The following PML variants were observed in gnomAD, a reference collection of about 807,000 sequenced individuals.
The protein encoded by PML is protein PML.
In PML, 28 loss-of-function variants were observed where a neutral mutation model predicts 65.2. The ratio of observed to expected loss-of-function variants is 0.43; its 90% confidence interval spans 0.32 to 0.59. The LOEUF (loss-of-function observed/expected upper bound fraction) is 0.59, where lower values mean the gene tolerates loss of function less well. Ranked by LOEUF, PML falls within the 20% of genes least tolerant of loss-of-function variation. The probability of loss-of-function intolerance (pLI) is 0.08; values close to 1 mark genes in which losing one functional copy is unlikely to be tolerated. For missense variants in PML, 1,021 were observed against 1,203.4 expected (o/e 0.85, Z 2.24); for synonymous variants, 500 against 508.8 (o/e 0.98, Z 0.23).
intron 2 of PML, among the ~76,000 whole-genome samples, chr15:74,019,924 C>A (rs941549086): frequency 6.6e-6 from 1 of 152,150 alleles, no homozygotes; most frequent in African/African-American, 2.4e-5. Flanking sequence ...TAACTAATTG[C>A]CTTGTGAGGG....
intron 7 of PML, among the ~76,000 whole-genome samples, chr15:74,039,407 C>T (rs2071647890): frequency 6.6e-6 from 1 of 152,188 alleles, no homozygotes; most frequent in Non-Finnish European, 1.5e-5. Context: ...TGTGTCTTGC[C>T]AAACTGATCC....
At chr15:74,032,955 C>A (rs1387429386) in intron 5 of PML, among the ~76,000 whole-genome samples, 1 of 152,230 alleles carries the variant, frequency 6.6e-6, no homozygotes, top group African/African-American at 2.4e-5. Context: ...TGTCAGAGGC[C>A]AGCAGAGACT....
rs779853709 is a variant in PML, at chr15:74,035,195, C to T, written c.1710+665C>T. 1.3e-5 allele frequency: 18 copies of T among 1,422,214 alleles called. No individual in the cohort carries two copies. The highest frequency in any genetic ancestry group is 1.7e-5 in the Admixed American group (1 of 59,754). 88.1% of individuals were successfully genotyped at this position (1,422,214 alleles called of 1,614,324 possible). A position where few individuals can be genotyped will look rare whatever the true frequency, so the allele number is the denominator to read the frequency against. ...AGTGCATGGAGCCCATGGAGACCGC[C>T]GAGCCACAGTCCTCGCCAGCCCACT... On this transcript the variant is annotated intron_variant, in intron 7 of 8. Coordinates refer to ENST00000268058, the MANE Select transcript of PML (RefSeq NM_033238.3). The surrounding 1 kb of genome is among the most constrained non-coding windows in gnomAD (Gnocchi z 4.1).
intron 2 of PML, among the ~76,000 whole-genome samples, chr15:74,017,385 G>T (rs571455649): frequency 6.6e-6 from 1 of 152,074 alleles, no homozygotes; most frequent in African/African-American, 2.4e-5. Flanking sequence ...AGTGGCTCAC[G>T]CCTGTGATCC....
intron 2 of PML, among the ~76,000 whole-genome samples, chr15:74,003,883 C>A (rs1359154547): frequency 2.0e-5 from 3 of 152,120 alleles, no homozygotes; most frequent in Admixed American, 2.0e-4. Flanking sequence ...CTTTCTGAGA[C>A]CTTAAGTGTC....
chr15:74,033,629 C>T (rs1170918919), intron 6 of PML: 8 of 701,128 alleles, frequency 1.1e-5, no homozygotes, highest in Non-Finnish European at 1.8e-5. Context: ...GGGAGCCTGA[C>T]AGGCTAAAAT....
chr15:74,028,813 G>A lies in PML; in HGVS notation c.1255-3759G>A, dbSNP rs564014850. Among the ~76,000 whole-genome samples the A allele has an allele frequency of 1.2e-4, 18 of 152,276 alleles. No homozygotes were observed. In the South Asian group the frequency reaches 2.1e-3, roughly 18 times the overall value. On this transcript the variant is annotated intron_variant, in intron 4 of 8. Coordinates refer to ENST00000268058, the MANE Select transcript of PML (RefSeq NM_033238.3). ...TGCAGTGTTCTCAGGGTTCATCCAT[G>A]TAGCATGTGTCAGAATTTCCTTTCT...
rs886586856 is a variant in PML at position 74,021,108 on chromosome 15, T to C, written c.603-1720T>C. 4.6e-5 allele frequency among the ~76,000 whole-genome samples: 7 copies of C among 152,200 alleles called. No homozygotes were observed. In the South Asian group the frequency reaches 1.4e-3, roughly 31 times the overall value. ...CAGTTTGCATCTAGACTCTACCACT[T>C]ACTAATCGTGTGATCTTGAACAAAT... On this transcript the variant is annotated intron_variant, in intron 2 of 8. Transcript: ENST00000268058.
Position 74,043,684 on chromosome 15 carries a change from C to G in PML, c.1862-537C>G, listed in dbSNP as rs2071738189. The stretch of plus-strand genomic sequence containing the variant: ...CCCAGGCCCTACCCTGTGGCATGGA[C>G]TCAACATTGGGGCTAGCCCAGCCAG... On this transcript the variant is annotated intron_variant, in intron 8 of 8. Transcript: ENST00000268058. This position sits in a 1 kb window ranked among gnomAD's most constrained non-coding sequence, Gnocchi z 4.3. 5.6e-6 allele frequency: 3 copies of G among 531,170 alleles called. No individual in the cohort carries two copies. In the Admixed American group the frequency reaches 5.8e-5, roughly 10 times the overall value. 32.9% of individuals were successfully genotyped at this position (531,170 alleles called of 1,614,324 possible).
In PML at chr15:74,033,429, A is replaced by G; in HGVS notation, c.1657+15A>G. ...CGGGGAGGCAGGTAGGGAGGTGGGT[A>G]GGGCAGTGGCCTGGGTGCTGCCCGC... On this transcript the variant is annotated intron_variant, in intron 6 of 8. Transcript: ENST00000268058. 1 of 1,612,274 alleles carries G rather than the reference A, an allele frequency of 6.2e-7. No individual in the cohort carries two copies. The highest frequency in any genetic ancestry group is 8.5e-7 in the Non-Finnish European group (1 of 1,179,582).
At chr15:74,002,837 A>G (rs1389267199) in intron 2 of PML, among the ~76,000 whole-genome samples, 2 of 152,060 alleles carry the variant, frequency 1.3e-5, no homozygotes, top group African/African-American at 4.8e-5. Flanking sequence ...ATCAAAACAT[A>G]TATATAGGCC....
chr15:74,046,728 T>C lies in PML; in HGVS notation c.*1720T>C, dbSNP rs1351877854. 3 of 232,034 alleles carry C rather than the reference T, an allele frequency of 1.3e-5. No homozygotes were observed. The highest frequency in any genetic ancestry group is 6.6e-5 in the African/African-American group (3 of 45,278). The allele number at this position is 232,034 out of a possible 1,614,324, so 14.4% of individuals were successfully genotyped here. On this transcript the variant is annotated 3_prime_UTR_variant, in exon 9 of 9. Coordinates refer to ENST00000268058, the MANE Select transcript of PML (RefSeq NM_033238.3). ...GATGTGATTGAGGGGTGTTCTGCCC[T>C]GCCTCCACTGTCACAGCCTTTAATA...
chr15:74,012,352 T>G (rs775341033), intron 2 of PML, among the ~76,000 whole-genome samples: 4 of 152,220 alleles, frequency 2.6e-5, no homozygotes, highest in Non-Finnish European at 4.4e-5. Flanking sequence ...ATTTTTGTGT[T>G]TTTAGTAGAG....
chr15:73,998,603 G>A, intron 2 of PML, 127 bp downstream of exon 2: 1 of 793,510 alleles, frequency 1.3e-6, no homozygotes. Flanking sequence ...TCTAAATGTG[G>A]TCTGCAGATA....
intron 3 of PML, 92 bp downstream of exon 3, chr15:74,023,500 A>T (rs1361517672): frequency 9.7e-7 from 1 of 1,031,814 alleles, no homozygotes. Context: ...TTTGACAGAA[A>T]AGAAAACTGG....
rs144780231 is a variant in PML at position 74,024,951 on chromosome 15, G to C, written c.1254+24G>C. The stretch of plus-strand genomic sequence containing the variant: ...TGGTGAGATGGGTTTGAGGTCTGAA[G>C]GGGTGGTGGTGGGGCCCAGCAGGTC... On this transcript the variant is annotated intron_variant, in intron 4 of 8. Transcript: ENST00000268058. 1.2e-3 allele frequency: 1,923 copies of C among 1,571,660 alleles called. 25 individuals are homozygous for C. In the African/African-American group the frequency reaches 0.023, roughly 19 times the overall value.
chr15:74,047,119 G>A lies in PML; in HGVS notation c.*2111G>A, dbSNP rs185035977. On this transcript the variant is annotated 3_prime_UTR_variant, in exon 9 of 9. Transcript: ENST00000268058. ...AGGAACTAGAGACCAGAGTCTGCAG[G>A]AACTTTGCCACTGCCCTTCACTGGC... 1.3e-4 allele frequency: 31 copies of A among 230,772 alleles called. No homozygotes were observed. Among genetic ancestry groups the A allele is most frequent in the Middle Eastern group, 1.3e-3 (1 of 774 alleles). 14.3% of individuals were successfully genotyped at this position (230,772 alleles called of 1,614,324 possible).
chr15:74,032,345 A>C (rs1440801694), intron 4 of PML: 8 of 577,636 alleles, frequency 1.4e-5, no homozygotes, highest in Non-Finnish European at 2.5e-5. Context: ...CAGCGTGGGC[A>C]ACATAGTGAG....
At chr15:74,033,727 G>C (rs2071421946) in intron 6 of PML, 2 of 613,910 alleles carry the variant, frequency 3.3e-6, no homozygotes, top group Non-Finnish European at 2.9e-6. Flanking sequence ...CTGATGCCTA[G>C]CATACTCCCA....
Sources: allele counts gnomAD v4.1 joint callset (sites outside exome capture counted in the v4.1 genomes callset), GRCh38; gene constraint gnomAD v4.1.1; non-coding constraint Gnocchi (gnomAD v3.1); transcripts MANE v1.5; gene names NCBI Gene and HGNC (gene_info 2026-07-23, HGNC 2026-07-21).